The following MAL2 variants were observed in gnomAD, a reference collection of about 807,000 sequenced individuals.
MAL2 encodes the protein protein MAL2.
In MAL2, 17 loss-of-function variants were observed where a neutral mutation model predicts 18.1. The observed-to-expected ratio is 0.94, with a 90% CI of 0.64 to 1.41. The LOEUF (loss-of-function observed/expected upper bound fraction) is 1.41, where lower values mean the gene tolerates loss of function less well. MAL2 is among the 40% of genes most tolerant of loss of function. The pLI, the probability that MAL2 is intolerant of heterozygous loss-of-function variation, is 0.00. For synonymous variants in MAL2, 102 were observed against 102.3 expected, an observed-to-expected ratio of 1.00 and a Z score of 0.02; for missense variants, 222 against 231.9, an observed-to-expected ratio of 0.96 and a Z score of 0.28.
At chr8:119,224,727 T>C (rs1356868601) in intron 2 of MAL2, among the ~76,000 whole-genome samples, 1 of 152,152 alleles carries the variant, frequency 6.6e-6, no homozygotes, top group East Asian at 1.9e-4. Flanking sequence ...CCAATGTCCA[T>C]TATACCACTC....
chr8:119,235,761 C>G lies in MAL2; in HGVS notation c.304-4404C>G, dbSNP rs1056853720. ...CAAATGCTGAGAGGTTTTGTCACCA[C>G]CAGGCCTGCCCTAAAAGAGCTCCTG... On this transcript the variant is annotated intron_variant, in intron 2 of 3. Coordinates refer to ENST00000614891, the MANE Select transcript of MAL2 (RefSeq NM_052886.3). Among the ~76,000 whole-genome samples the G allele has an allele frequency of 5.4e-5, 8 of 147,300 alleles. No homozygotes were observed. The South Asian group carries it at 1.1e-3, about 20-fold the overall frequency.
In MAL2 at chr8:119,221,654, G is replaced by A. The variant is rs1478005891; in HGVS notation, c.200G>A (p.Trp67Ter). ...SNVPLPLLQG[W>*]VMFVSVTAFF... ...GTTCCTCTACCTCTACTACAAGGATGGGTCATGTTTGTGTCCGTGACAGCG... is the reference window on the plus strand; with the variant it reads ...GTTCCTCTACCTCTACTACAAGGATAGGTCATGTTTGTGTCCGTGACAGCG... The change falls in exon 2 of 4, where the codon TGG (tryptophan) becomes TAG (stop). Residue 67 changes from tryptophan (W) to a stop codon, truncating the protein, a stop_gained. Coordinates refer to ENST00000614891, the MANE Select transcript of MAL2 (RefSeq NM_052886.3). LOFTEE classifies it high-confidence loss of function. 1 of 1,613,938 alleles carries A rather than the reference G, an allele frequency of 6.2e-7. No individual in the cohort carries two copies. The highest frequency in any genetic ancestry group is 2.2e-5 in the East Asian group (1 of 44,878).
chr8:119,243,708 T>C lies in MAL2; in HGVS notation c.*220T>C. 8.0e-6 allele frequency: 3 copies of C among 376,826 alleles called. No homozygotes were observed. The highest frequency in any genetic ancestry group is 1.4e-5 in the Non-Finnish European group (3 of 212,020). 23.3% of individuals were successfully genotyped at this position (376,826 alleles called of 1,614,324 possible). A position where few individuals can be genotyped will look rare whatever the true frequency, so the allele number is the denominator to read the frequency against. On this transcript the variant is annotated 3_prime_UTR_variant, in exon 4 of 4. Coordinates refer to ENST00000614891, the MANE Select transcript of MAL2 (RefSeq NM_052886.3). ...CTTTTATTTTACATCTCTCCCCTTT[T>C]TCCCTTTCCCCCTTTATTTTCCTCC...
rs529221802 is a variant in MAL2, at chr8:119,221,679, G to A, written c.225G>A (p.Ala75=). The change falls in exon 2 of 4, where the codon GCG becomes GCA. Residue 75 remains alanine (A), a synonymous_variant. Coordinates refer to ENST00000614891, the MANE Select transcript of MAL2 (RefSeq NM_052886.3). ...GGGTCATGTTTGTGTCCGTGACAGC[G>A]TTTTTCTTTTCGCTCCTCTTTCTGG... is the stretch of plus-strand genomic sequence containing the variant. ...QGWVMFVSVT[A]FFFSLLFLGM... 30 of 1,613,884 alleles carry A rather than the reference G, an allele frequency of 1.9e-5. 1 individual carries two copies. The highest frequency in any genetic ancestry group is 4.4e-5 in the South Asian group (4 of 91,074).
intron 2 of MAL2, among the ~76,000 whole-genome samples, chr8:119,231,711 A>C (rs966086739): frequency 6.6e-6 from 1 of 152,244 alleles, no homozygotes; most frequent in African/African-American, 2.4e-5. Flanking sequence ...TGAATGGATA[A>C]AGAAAATGCA....
At chr8:119,210,806 G>C (rs938900809) in intron 1 of MAL2, among the ~76,000 whole-genome samples, 3 of 152,132 alleles carry the variant, frequency 2.0e-5, no homozygotes, top group African/African-American at 7.2e-5. Context: ...TTATTAGTTT[G>C]CTTCTCTCTT....
rs564218926 is a variant in MAL2, at chr8:119,223,307, T to C, written c.303+1550T>C. The C allele has an allele frequency of 1.2e-4, 18 of 152,346 alleles. No homozygotes were observed. In the East Asian group the frequency reaches 3.5e-3, roughly 29 times the overall value. 9.4% of individuals were successfully genotyped at this position (152,346 alleles called of 1,614,324 possible). On this transcript the variant is annotated intron_variant, in intron 2 of 3. Coordinates refer to ENST00000614891, the MANE Select transcript of MAL2 (RefSeq NM_052886.3). ...ACCGTGGTTACAGTCCTGCATGGGC[T>C]TTGAGCATAGATCTGGTTTGCTTAG...
intron 2 of MAL2, among the ~76,000 whole-genome samples, chr8:119,233,231 A>T (rs1365568947): frequency 9.8e-5 from 15 of 152,344 alleles, no homozygotes; most frequent in Admixed American, 9.2e-4. Context: ...GAAAGATCCA[A>T]AATTGACACC....
chr8:119,233,983 A>G (rs201277385), intron 2 of MAL2, among the ~76,000 whole-genome samples: 2,143 of 152,072 alleles, frequency 0.014, 52 homozygotes, highest in African/African-American at 0.05. Context: ...GAACAGCTCC[A>G]GTCTACAGCT....
At chr8:119,242,072 T>C (rs1486324671) in intron 3 of MAL2, among the ~76,000 whole-genome samples, 2 of 152,222 alleles carry the variant, frequency 1.3e-5, no homozygotes, top group Non-Finnish European at 2.9e-5. Flanking sequence ...TTTGCCTTTA[T>C]GTGTTTCTTA....
intron 3 of MAL2, among the ~76,000 whole-genome samples, chr8:119,242,053 C>T (rs902531111): frequency 2.0e-5 from 3 of 152,156 alleles, no homozygotes; most frequent in Non-Finnish European, 4.4e-5. Context: ...GTCATCAATT[C>T]CCATTGTATT....
intron 2 of MAL2, among the ~76,000 whole-genome samples, chr8:119,234,720 G>T (rs995185973): frequency 2.0e-5 from 3 of 151,690 alleles, no homozygotes; most frequent in Admixed American, 6.5e-5. Context: ...ACACGGCAGG[G>T]TATTCCAACA....
At chr8:119,240,801 G>A (rs772194139) in intron 3 of MAL2, among the ~76,000 whole-genome samples, 14 of 152,198 alleles carry the variant, frequency 9.2e-5, no homozygotes, top group Admixed American at 2.6e-4. Flanking sequence ...TAAGGAAAGT[G>A]CAGGTGAGAA....
Position 119,243,585 on chromosome 8 carries a change from C to A in MAL2, c.*97C>A. ...CATTTTGTCCAGATGCAAAAACATT[C>A]CAAAAGTAATGTGTTTAGTAGAGAG... is the stretch of plus-strand genomic sequence containing the variant. On this transcript the variant is annotated 3_prime_UTR_variant, in exon 4 of 4. Coordinates refer to ENST00000614891, the MANE Select transcript of MAL2 (RefSeq NM_052886.3). 1.9e-6 allele frequency: 2 copies of A among 1,071,190 alleles called. No homozygotes were observed. Among genetic ancestry groups the A allele is most frequent in the South Asian group, 1.9e-5 (1 of 52,626 alleles). 66.4% of individuals were successfully genotyped at this position (1,071,190 alleles called of 1,614,324 possible).
rs568271105 is a variant in MAL2 at position 119,215,080 on chromosome 8, G to A, written c.132+6476G>A. On this transcript the variant is annotated intron_variant, in intron 1 of 3. Coordinates refer to ENST00000614891, the MANE Select transcript of MAL2 (RefSeq NM_052886.3). ...CCAGTGGCAGTTACAATAGAAATAGGTCATGTGGGCAAATTTGGGGCCGAA... is the reference window on the plus strand; with the variant it reads ...CCAGTGGCAGTTACAATAGAAATAGATCATGTGGGCAAATTTGGGGCCGAA... The A allele has an allele frequency of 2.0e-5, 3 of 151,952 alleles. No individual in the cohort carries two copies. In the South Asian group the frequency reaches 6.3e-4, roughly 32 times the overall value. The allele number at this position is 151,952 out of a possible 1,614,324, so 9.4% of individuals were successfully genotyped here.
chr8:119,234,398 G>T (rs1029581645), intron 2 of MAL2, among the ~76,000 whole-genome samples: 3 of 152,200 alleles, frequency 2.0e-5, no homozygotes, highest in African/African-American at 7.2e-5. Flanking sequence ...GCCCGCCATT[G>T]CCCAGGCTTG....
intron 2 of MAL2, among the ~76,000 whole-genome samples, chr8:119,226,159 A>C (rs963432372): frequency 6.6e-6 from 1 of 151,916 alleles, no homozygotes; most frequent in Non-Finnish European, 1.5e-5. Flanking sequence ...CCCATTTGTC[A>C]ATTTTGGCTT....
At chr8:119,217,000 C>T (rs1479498898) in intron 1 of MAL2, among the ~76,000 whole-genome samples, 3 of 152,108 alleles carry the variant, frequency 2.0e-5, no homozygotes, top group Admixed American at 6.5e-5. Flanking sequence ...AACATAAGAC[C>T]GTCCAAACAG....
intron 1 of MAL2, 56 bp from the exon 2 acceptor site, chr8:119,221,531 C>T: frequency 1.9e-6 from 3 of 1,595,490 alleles, no homozygotes; most frequent in South Asian, 1.1e-5. Context: ...ATGTTTAATT[C>T]TGTTGTGTGA....
Sources: allele counts gnomAD v4.1 joint callset (sites outside exome capture counted in the v4.1 genomes callset), GRCh38; gene constraint gnomAD v4.1.1; transcripts MANE v1.5; gene names NCBI Gene and HGNC (gene_info 2026-07-23, HGNC 2026-07-21).